Variants in PDE1A observed in about 807,000 individuals in gnomAD.
PDE1A encodes dual specificity calcium/calmodulin-dependent 3',5'-cyclic nucleotide phosphodiesterase 1A.
In PDE1A, 35 loss-of-function variants were observed where a neutral mutation model predicts 61.7. The ratio of observed to expected loss-of-function variants is 0.57; its 90% CI spans 0.43 to 0.75. PDE1A has a LOEUF of 0.75. PDE1A is among the 30% of genes least tolerant of loss of function. The pLI, the probability that PDE1A is intolerant of heterozygous loss-of-function variation, is 0.00. For synonymous variants in PDE1A, 232 were observed against 213.2 expected (o/e 1.09, Z -0.77); for missense variants, 597 against 630.6 (o/e 0.95, Z 0.57).
At chr2:182,255,650 C>CTTTCT (rs1251436880) in intron 2 of PDE1A, among the ~76,000 whole-genome samples, 2 of 148,170 alleles carry the variant, frequency 1.3e-5, no homozygotes, top group Admixed American at 1.3e-4. Context: ...TCTTTTCTTT[C>CTTTCT]TTTCTTTTCT....
intron 1 of PDE1A, among the ~76,000 whole-genome samples, chr2:182,274,416 C>T (rs988383905): frequency 2.0e-5 from 3 of 152,084 alleles, no homozygotes; most frequent in Non-Finnish European, 4.4e-5. Flanking sequence ...GATCACACAA[C>T]ACAAAAATAT....
the PDE1A span, among the ~76,000 whole-genome samples, chr2:182,562,810 C>A: frequency 8.3e-4 from 127 of 152,276 alleles, no homozygotes; most frequent in Non-Finnish European, 1.6e-3. Context: ...AGGAATTTAT[C>A]CATTTCTTCT....
At chr2:182,458,673 T>G (rs901267447) in intron 2 of PDE1A, among the ~76,000 whole-genome samples, 2 of 152,102 alleles carry the variant, frequency 1.3e-5, no homozygotes, top group Non-Finnish European at 2.9e-5. Context: ...CATTCCCAAC[T>G]CAATCTTATA....
At chr2:182,505,053 A>C (rs754784933) in intron 2 of PDE1A, among the ~76,000 whole-genome samples, 4 of 152,074 alleles carry the variant, frequency 2.6e-5, no homozygotes, top group Non-Finnish European at 4.4e-5. Context: ...TCCCTGTCTG[A>C]CTCACTGCAA....
chr2:182,202,216 A>G (rs1686717365), intron 8 of PDE1A, among the ~76,000 whole-genome samples: 1 of 152,148 alleles, frequency 6.6e-6, no homozygotes, highest in Non-Finnish European at 1.5e-5. Flanking sequence ...TTCTAAATCC[A>G]CATGTCAACC....
At chr2:182,687,427 T>G in the PDE1A span, among the ~76,000 whole-genome samples, 1 of 152,218 alleles carries the variant, frequency 6.6e-6, no homozygotes, top group African/African-American at 2.4e-5. Flanking sequence ...AAACAGCGTC[T>G]GGAGTGGACC....
At position 182,192,338 on chromosome 2, in the gene PDE1A, T is replaced by C. The variant is rs73041891; in HGVS notation, c.1126-3278A>G. ...ATTAAATTTTCACTGTCAAAGCACA[T>C]TGAATGCTAAAGTACATTAATTATT... is the stretch of plus-strand genomic sequence containing the variant. On this transcript the variant is annotated intron_variant, in intron 10 of 13. Transcript: ENST00000351439. 7.3e-3 allele frequency among the ~76,000 whole-genome samples: 1,110 copies of C among 152,200 alleles called. 11 individuals are homozygous for C. Among genetic ancestry groups the C allele is most frequent in the African/African-American group, 0.024 (1,014 of 41,538 alleles).
intron 2 of PDE1A, among the ~76,000 whole-genome samples, chr2:182,246,394 CTTTTTTCTTTCTTTT>C (rs1438192466): frequency 9.5e-6 from 1 of 105,364 alleles, no homozygotes; most frequent in African/African-American, 3.6e-5. Context: ...AGTCTTTTTT[CTTTTTTCTTTCTTTT>C]TTTTTTTTTT....
chr2:182,692,438 AT>A, the PDE1A span, among the ~76,000 whole-genome samples: 1 of 151,380 alleles, frequency 6.6e-6, no homozygotes, highest in African/African-American at 2.4e-5. Context: ...CAAACACCCC[AT>A]GTTGTCACTC....
the PDE1A span, among the ~76,000 whole-genome samples, chr2:182,689,077 T>C: frequency 6.6e-6 from 1 of 152,098 alleles, no homozygotes; most frequent in Non-Finnish European, 1.5e-5. Context: ...ACAAGAATAA[T>C]GGGAGACTTT....
chr2:182,231,335 C>T (rs1279753405), intron 4 of PDE1A, among the ~76,000 whole-genome samples: 1 of 152,134 alleles, frequency 6.6e-6, no homozygotes, highest in Non-Finnish European at 1.5e-5. Flanking sequence ...TATAAAGCAT[C>T]AAAACCTTTT....
At chr2:182,626,728 TATATATATAC>T in the PDE1A span, among the ~76,000 whole-genome samples, 1 of 12,368 alleles carries the variant, frequency 8.1e-5, no homozygotes, top group Non-Finnish European at 3.1e-4. Context: ...TATATATATA[TATATATATAC>T]ATATATATAC....
At chr2:182,334,428 C>A (rs899677344) in intron 1 of PDE1A, among the ~76,000 whole-genome samples, 1 of 152,088 alleles carries the variant, frequency 6.6e-6, no homozygotes, top group African/African-American at 2.4e-5. Context: ...TTATGCAACA[C>A]GATCAAGTTG....
At chr2:182,337,413 G>A (rs1256357334) in intron 1 of PDE1A, among the ~76,000 whole-genome samples, 2 of 152,156 alleles carry the variant, frequency 1.3e-5, no homozygotes, top group African/African-American at 4.8e-5. Context: ...ATGGTAGAGT[G>A]TGTGTGGAAT....
chr2:182,655,721 A>C, the PDE1A span, among the ~76,000 whole-genome samples: 4 of 152,206 alleles, frequency 2.6e-5, no homozygotes, highest in African/African-American at 9.6e-5. Flanking sequence ...TCTAGCCAGT[A>C]GGTGGGGGTC....
downstream of PDE1A, among the ~76,000 whole-genome samples, chr2:182,144,831 A>G (rs578058457): frequency 6.6e-6 from 1 of 152,346 alleles, no homozygotes; most frequent in East Asian, 1.9e-4. Flanking sequence ...AAATTGGAAG[A>G]GTTTACTTTA....
At chr2:182,225,653 C>T (rs960350613) in intron 6 of PDE1A, among the ~76,000 whole-genome samples, 3 of 150,636 alleles carry the variant, frequency 2.0e-5, no homozygotes, top group East Asian at 3.9e-4. Flanking sequence ...AATCTTTCCC[C>T]TATGGGGTTT....
chr2:182,714,778 C>T, the PDE1A span, among the ~76,000 whole-genome samples: 2 of 152,158 alleles, frequency 1.3e-5, no homozygotes, highest in East Asian at 1.9e-4. Flanking sequence ...AGGCTGGTCT[C>T]GACCTCTTGA....
At chr2:182,425,085 G>C (rs1199494142) in intron 1 of PDE1A, among the ~76,000 whole-genome samples, 1 of 152,282 alleles carries the variant, frequency 6.6e-6, no homozygotes, top group Admixed American at 6.5e-5. Context: ...AGGAAGAAAT[G>C]AGGATTTGGC....
Sources: gnomAD v4.1 joint callset for allele counts (sites outside exome capture counted in the v4.1 genomes callset) on GRCh38, gnomAD v4.1.1 for gene constraint, MANE v1.5 for transcripts, NCBI Gene and HGNC (gene_info 2026-07-23, HGNC 2026-07-21) for gene names.